Variants in TMTC1 observed in about 807,000 individuals in gnomAD.
TMTC1 encodes the protein transmembrane O-mannosyltransferase targeting cadherins 1.
TMTC1 carries 73 observed loss-of-function variants against 104.8 expected under a neutral mutation model. The observed-to-expected ratio is 0.70, with a 90% confidence interval of 0.58 to 0.85. The LOEUF (loss-of-function observed/expected upper bound fraction) is 0.85, where lower values mean the gene tolerates loss of function less well. Among genes scored for constraint, TMTC1 ranks in the 40% least tolerant of loss-of-function variants. TMTC1 has a pLI of 0.00. For synonymous variants in TMTC1, 434 were observed against 428.7 expected (o/e 1.01, Z -0.15); for missense variants, 1,035 against 1,096.1 (o/e 0.94, Z 0.79).
chr12:29,650,938 C>T (rs1939490754), intron 5 of TMTC1, among the ~76,000 whole-genome samples: 1 of 152,212 alleles, frequency 6.6e-6, no homozygotes, highest in Admixed American at 6.5e-5. Flanking sequence ...TCTTCTTCAA[C>T]ATTTCTTGTT....
chr12:29,546,732 T>G (rs1944952283), intron 10 of TMTC1, among the ~76,000 whole-genome samples: 1 of 152,132 alleles, frequency 6.6e-6, no homozygotes, highest in South Asian at 2.1e-4. Context: ...TTATCCACAT[T>G]TCTCTTATTC....
intron 5 of TMTC1, among the ~76,000 whole-genome samples, chr12:29,662,219 G>A (rs1940062895): frequency 6.6e-6 from 1 of 151,906 alleles, no homozygotes; most frequent in African/African-American, 2.4e-5. Context: ...TCCTCAAAGG[G>A]GTTTTCCCCA....
At position 29,721,330 on chromosome 12, in the gene TMTC1, T is replaced by C. The variant is rs998362047; in HGVS notation, c.938+30336A>G. 2.9e-5 allele frequency among the ~76,000 whole-genome samples: 3 copies of C among 104,140 alleles called. No homozygotes were observed. The East Asian group carries it at 8.7e-4, about 30-fold the overall frequency. 68.3% of individuals were successfully genotyped at this position (104,140 alleles called of 152,430 possible). A position where few individuals can be genotyped will look rare whatever the true frequency, so the allele number is the denominator to read the frequency against. On this transcript the variant is annotated intron_variant, in intron 5 of 17. Transcript: ENST00000539277. The stretch of plus-strand genomic sequence containing the variant: ...CCACTTTGTTTATAAGAGTCAGACC[T>C]GAAAGATAAAAGTTTGAAAAGGGAG...
intron 5 of TMTC1, among the ~76,000 whole-genome samples, chr12:29,680,291 A>C (rs576053343): frequency 7.9e-4 from 120 of 152,328 alleles, no homozygotes; most frequent in African/African-American, 2.7e-3. Context: ...AGAAACAGTG[A>C]GCTATCCAGT....
chr12:29,526,558 T>TTAG (rs1335297296), intron 11 of TMTC1, among the ~76,000 whole-genome samples: 1 of 152,196 alleles, frequency 6.6e-6, no homozygotes, highest in Non-Finnish European at 1.5e-5. Flanking sequence ...GTCAGTCTCT[T>TTAG]CATTAGAGTT....
intron 5 of TMTC1, among the ~76,000 whole-genome samples, chr12:29,668,898 G>C (rs2033033): frequency 0.55 from 84,430 of 152,146 alleles, 23,650 homozygotes; most frequent in African/African-American, 0.63. Flanking sequence ...TAATAAGCAC[G>C]CTTTTAAAAG....
intron 6 of TMTC1, among the ~76,000 whole-genome samples, chr12:29,616,437 C>T (rs537953781): frequency 1.1e-4 from 16 of 152,020 alleles, no homozygotes; most frequent in African/African-American, 3.1e-4. Context: ...TTTGGGAGGC[C>T]GAAGCAGGTG....
At chr12:29,669,126 T>C (rs1034763064) in intron 5 of TMTC1, among the ~76,000 whole-genome samples, 19 of 151,736 alleles carry the variant, frequency 1.3e-4, no homozygotes, top group African/African-American at 4.8e-5. Context: ...GTGACAAATG[T>C]AGCTGACACC....
At chr12:29,604,451 A>G (rs1386748808) in intron 6 of TMTC1, 152 bp from the exon 7 acceptor site, 7 of 1,077,176 alleles carry the variant, frequency 6.5e-6, no homozygotes, top group Non-Finnish European at 1.3e-6. Flanking sequence ...AATTTAACAG[A>G]GAAAGCTGAC....
chr12:29,541,233 C>T (rs1002310679), intron 10 of TMTC1, among the ~76,000 whole-genome samples: 10 of 152,130 alleles, frequency 6.6e-5, no homozygotes, highest in South Asian at 2.1e-4. Flanking sequence ...TCACAGGCAC[C>T]GCATCCACGT....
At chr12:29,689,667 A>G (rs932956177) in intron 5 of TMTC1, among the ~76,000 whole-genome samples, 1 of 152,198 alleles carries the variant, frequency 6.6e-6, no homozygotes, top group African/African-American at 2.4e-5. Context: ...CTGAACATTC[A>G]GAATTTAAAT....
chr12:29,543,419 T>A (rs776654152), intron 10 of TMTC1, among the ~76,000 whole-genome samples: 1 of 152,234 alleles, frequency 6.6e-6, no homozygotes, highest in African/African-American at 2.4e-5. Flanking sequence ...TGAAAAAGTA[T>A]TGACATTTGG....
intron 5 of TMTC1, among the ~76,000 whole-genome samples, chr12:29,710,388 A>T (rs1941867976): frequency 6.6e-6 from 1 of 151,944 alleles, no homozygotes; most frequent in Admixed American, 6.6e-5. Flanking sequence ...TATTTCAGGG[A>T]TCTCTCAGGA....
intron 5 of TMTC1, among the ~76,000 whole-genome samples, chr12:29,652,686 G>T (rs1171525029): frequency 6.6e-6 from 1 of 152,192 alleles, no homozygotes; most frequent in Non-Finnish European, 1.5e-5. Context: ...ATAAGATATG[G>T]TTTCTGCCCT....
chr12:29,715,614 A>G (rs1942054223), intron 5 of TMTC1, among the ~76,000 whole-genome samples: 1 of 152,208 alleles, frequency 6.6e-6, no homozygotes, highest in Non-Finnish European at 1.5e-5. Flanking sequence ...TAACATTTAT[A>G]TTAGCTTGGC....
Position 29,613,988 on chromosome 12 carries a change from A to C in TMTC1, c.1129-9689T>G, listed in dbSNP as rs959913304. 4 of 930,150 alleles carry C rather than the reference A, an allele frequency of 4.3e-6. No homozygotes were observed. In the African/African-American group the frequency reaches 5.3e-5, roughly 12 times the overall value. 57.6% of individuals were successfully genotyped at this position (930,150 alleles called of 1,614,324 possible). Reference sequence around the variant, plus strand: ...TTTGTTCTATAATCTAAAATTAATAAGGAGAAAGAACCATAAAAAAGTTCA... The same window carrying C: ...TTTGTTCTATAATCTAAAATTAATACGGAGAAAGAACCATAAAAAAGTTCA... On this transcript the variant is annotated intron_variant, in intron 6 of 17. Coordinates refer to ENST00000539277, the MANE Select transcript of TMTC1 (RefSeq NM_001193451.2).
chr12:29,750,059 CTA>C (rs1247657543), intron 5 of TMTC1, among the ~76,000 whole-genome samples: 1 of 109,332 alleles, frequency 9.1e-6, no homozygotes, highest in African/African-American at 4.1e-5. Flanking sequence ...TCATAACTGT[CTA>C]TACACACACA....
intron 17 of TMTC1, among the ~76,000 whole-genome samples, chr12:29,507,792 G>T (rs982586051): frequency 6.6e-6 from 1 of 151,918 alleles, no homozygotes; most frequent in African/African-American, 2.4e-5. Flanking sequence ...TCCCTTATTC[G>T]TTCCACCCTC....
intron 8 of TMTC1, among the ~76,000 whole-genome samples, chr12:29,575,980 G>A (rs1180165194): frequency 3.9e-5 from 6 of 152,082 alleles, no homozygotes; most frequent in African/African-American, 1.2e-4. Flanking sequence ...TTTGATCTGC[G>A]TTTCCCTGAT....
Sources: allele counts gnomAD v4.1 joint callset (sites outside exome capture counted in the v4.1 genomes callset), GRCh38; gene constraint gnomAD v4.1.1; transcripts MANE v1.5; gene names NCBI Gene and HGNC (gene_info 2026-07-23, HGNC 2026-07-21).